The following NMNAT3 variants were observed in gnomAD, a reference collection of about 807,000 sequenced individuals.
The protein encoded by NMNAT3 is nicotinamide/nicotinic acid mononucleotide adenylyltransferase 3.
Under a neutral mutation model 24.8 loss-of-function variants are expected in NMNAT3, and 21 were observed. That is an observed-to-expected ratio of 0.85 (90% CI 0.60 to 1.22). The LOEUF (loss-of-function observed/expected upper bound fraction) is 1.22, where lower values mean the gene tolerates loss of function less well. Among genes scored for constraint, NMNAT3 ranks in the 50% most tolerant of loss-of-function variants. The pLI, the probability that NMNAT3 is intolerant of heterozygous loss-of-function variation, is 0.00. For synonymous variants in NMNAT3, 136 were observed against 155.2 expected (o/e 0.88, Z 0.92); for missense variants, 387 against 436.6 (o/e 0.89, Z 1.01).
intron 3 of NMNAT3, among the ~76,000 whole-genome samples, chr3:139,623,669 T>C (rs1369505567): frequency 1.3e-5 from 2 of 152,152 alleles, no homozygotes; most frequent in Non-Finnish European, 2.9e-5. Flanking sequence ...CTGCAACCTC[T>C]GCCTCCCAGG....
At chr3:139,653,851 G>T (rs889675622) in intron 1 of NMNAT3, among the ~76,000 whole-genome samples, 2 of 152,228 alleles carry the variant, frequency 1.3e-5, no homozygotes, top group African/African-American at 2.4e-5. Flanking sequence ...GGGCGTGGCA[G>T]CATTTCAGAG....
Position 139,561,228 on chromosome 3 carries a change from T to A in NMNAT3, c.823A>T (p.Ile275Phe), listed in dbSNP as rs761470404. The change falls in exon 7 of 7, where the codon ATC (isoleucine) becomes TTC (phenylalanine). Residue 275 changes from isoleucine to phenylalanine, a missense_variant. By Grantham distance (21) the Ile-to-Phe change is conservative. Coordinates refer to ENST00000643695, the MANE Select transcript of NMNAT3 (RefSeq NM_001320510.2). The stretch of plus-strand genomic sequence containing the variant: ...ATGTTGTGCTGGTGCATCCGTAGGA[T>A]GGGAGATTCTGCGATGTAACCTTTT... The A allele has an allele frequency of 6.2e-7, 1 of 1,614,156 alleles. No homozygotes were observed. The highest frequency in any genetic ancestry group is 8.5e-7 in the Non-Finnish European group (1 of 1,180,020).
chr3:139,662,709 CT>C (rs1001476077), intron 1 of NMNAT3, among the ~76,000 whole-genome samples: 2 of 152,106 alleles, frequency 1.3e-5, no homozygotes, highest in African/African-American at 4.8e-5. Flanking sequence ...CCAAGGGTGC[CT>C]TTGGCCACCC....
At chr3:139,619,040 G>A (rs1475325739) in intron 3 of NMNAT3, among the ~76,000 whole-genome samples, 8 of 152,124 alleles carry the variant, frequency 5.3e-5, no homozygotes, top group African/African-American at 1.9e-4. Flanking sequence ...ACTGTGCCTG[G>A]CTAAACCTCC....
chr3:139,609,923 T>C (rs1183140443), intron 3 of NMNAT3: 1 of 152,154 alleles, frequency 6.6e-6, no homozygotes, highest in Non-Finnish European at 1.5e-5. Context: ...ACCTCCAGAG[T>C]AGCTGAGACT....
intron 5 of NMNAT3, among the ~76,000 whole-genome samples, chr3:139,576,712 C>A (rs6796232): frequency 0.35 from 53,557 of 151,844 alleles, 10,609 homozygotes; most frequent in East Asian, 0.59. Context: ...GGGTGATTCC[C>A]GTGTGCAAAC....
At chr3:139,665,699 C>A (rs1433856099) in intron 1 of NMNAT3, among the ~76,000 whole-genome samples, 2 of 146,180 alleles carry the variant, frequency 1.4e-5, no homozygotes, top group Non-Finnish European at 3.0e-5. Context: ...GTAAAGCCCA[C>A]AATAGAATAC....
intron 3 of NMNAT3, among the ~76,000 whole-genome samples, chr3:139,598,133 C>T (rs2054559795): frequency 6.6e-6 from 1 of 152,200 alleles, no homozygotes. Context: ...AATCATCACT[C>T]CCTCCATTCT....
chr3:139,604,696 G>A (rs1205009511), intron 3 of NMNAT3, among the ~76,000 whole-genome samples: 1 of 152,140 alleles, frequency 6.6e-6, no homozygotes, highest in Non-Finnish European at 1.5e-5. Flanking sequence ...TCTGCACATT[G>A]TCTACACACA....
intron 1 of NMNAT3, among the ~76,000 whole-genome samples, chr3:139,675,041 C>T (rs750965035): frequency 2.0e-5 from 3 of 152,012 alleles, no homozygotes; most frequent in Non-Finnish European, 2.9e-5. Context: ...ATGGTGTTCA[C>T]CACTAAGCTG....
rs367560602 is a variant in NMNAT3, at chr3:139,561,118, G to T, written c.933C>A (p.Tyr311Ter). The change falls in exon 7 of 7, where the codon TAC becomes TAA. Residue 311 changes from tyrosine to a stop codon, truncating the protein, a stop_gained. Transcript: ENST00000643695. LOFTEE classifies it low-confidence loss of function (END_TRUNC). ...ACGTGATGACAGCATCGGGAATCAGGTACTTTACGCTCTGCCCTTGGCCCA... is the reference window on the plus strand; with the variant it reads ...ACGTGATGACAGCATCGGGAATCAGTTACTTTACGCTCTGCCCTTGGCCCA... 4 of 1,613,998 alleles carry T rather than the reference G, an allele frequency of 2.5e-6. No homozygotes were observed. The African/African-American group carries it at 5.3e-5, about 22-fold the overall frequency.
intron 1 of NMNAT3, among the ~76,000 whole-genome samples, chr3:139,650,689 C>T (rs2057026857): frequency 1.3e-5 from 2 of 152,148 alleles, no homozygotes; most frequent in African/African-American, 4.8e-5. Context: ...ACATATAACC[C>T]TCATCCCTCG....
chr3:139,655,940 A>C (rs565538466), intron 1 of NMNAT3, among the ~76,000 whole-genome samples: 10 of 152,068 alleles, frequency 6.6e-5, no homozygotes, highest in Non-Finnish European at 1.2e-4. Flanking sequence ...ATCCCCTCAC[A>C]CTCTTCGGCT....
chr3:139,664,173 T>C (rs891222372), intron 1 of NMNAT3, among the ~76,000 whole-genome samples: 1 of 152,164 alleles, frequency 6.6e-6, no homozygotes, highest in Non-Finnish European at 1.5e-5. Flanking sequence ...ATCAAACATA[T>C]ATGAAAGTAG....
At chr3:139,618,133 A>T (rs1436642755) in intron 3 of NMNAT3, among the ~76,000 whole-genome samples, 3 of 152,250 alleles carry the variant, frequency 2.0e-5, no homozygotes, top group Non-Finnish European at 4.4e-5. Flanking sequence ...GAAAATCCAC[A>T]GATAACACAC....
At chr3:139,608,031 G>A (rs1386075817) in intron 3 of NMNAT3, among the ~76,000 whole-genome samples, 2 of 152,136 alleles carry the variant, frequency 1.3e-5, no homozygotes, top group African/African-American at 2.4e-5. Flanking sequence ...TTTATCTGAG[G>A]CATCCTGGGT....
chr3:139,672,260 T>A (rs76156573), intron 1 of NMNAT3, among the ~76,000 whole-genome samples: 1 of 152,096 alleles, frequency 6.6e-6, no homozygotes, highest in Non-Finnish European at 1.5e-5. Context: ...CCTTGACACT[T>A]CATTTTTATA....
chr3:139,663,440 G>T (rs1229163955), intron 1 of NMNAT3, among the ~76,000 whole-genome samples: 2 of 152,170 alleles, frequency 1.3e-5, no homozygotes, highest in Non-Finnish European at 2.9e-5. Context: ...TAGACATTTG[G>T]AAGGCCATTA....
chr3:139,572,462 A>G (rs751263353), intron 6 of NMNAT3, among the ~76,000 whole-genome samples: 9 of 152,170 alleles, frequency 5.9e-5, no homozygotes, highest in Admixed American at 1.3e-4. Flanking sequence ...CTGGCTGTAA[A>G]GCAAATCCTC....
Sources: gnomAD v4.1 joint callset for allele counts (sites outside exome capture counted in the v4.1 genomes callset) on GRCh38, gnomAD v4.1.1 for gene constraint, MANE v1.5 for transcripts, NCBI Gene and HGNC (gene_info 2026-07-23, HGNC 2026-07-21) for gene names.